Variants in HUWE1 observed in about 807,000 individuals in gnomAD.
HUWE1 encodes HECT, UBA and WWE domain containing E3 ubiquitin protein ligase 1.
HUWE1 carries 18 observed loss-of-function variants against 299.4 expected under a neutral mutation model. The observed-to-expected ratio is 0.06, with a 90% CI of 0.04 to 0.09. The LOEUF (loss-of-function observed/expected upper bound fraction) is 0.09, where lower values mean the gene tolerates loss of function less well. Ranked by LOEUF, HUWE1 falls within the 10% of genes least tolerant of loss-of-function variation. The pLI is 1.00. For synonymous variants in HUWE1, 1,317 were observed against 1,286.1 expected, an observed-to-expected ratio of 1.02 and a Z score of -0.51; for missense variants, 1,832 against 3,462.3, an observed-to-expected ratio of 0.53 and a Z score of 11.82.
At chrX:53,632,040 G>A (rs2066910687) in intron 9 of HUWE1, 1 of 341,186 alleles carries the variant, frequency 2.9e-6, no homozygotes. Context: ...AAGAGAAATT[G>A]TATTTTCACT....
Position 53,630,978 on chromosome X carries a change from T to A in HUWE1, c.819A>T (p.Arg273=). Residue 273 remains arginine, a synonymous_variant, in exon 12 of 84, where the codon CGA becomes CGT. Transcript: ENST00000262854. ...GCAGTCTGGCCTGAACTGCCTGCAA[T>A]CGCTTCCTGTGATTAGAAAAGCCAT... ...LAHGFSNHRK[R]LQAVQARLHA... 1 of 1,200,611 alleles carries A rather than the reference T, an allele frequency of 8.3e-7. No individual in the cohort carries two copies. The highest frequency in any genetic ancestry group is 1.8e-5 in the South Asian group (1 of 56,703).
At chrX:53,671,529 G>C (rs1557049306) in intron 3 of HUWE1, among the ~76,000 whole-genome samples, 1 of 111,470 alleles carries the variant, frequency 9.0e-6, no homozygotes, top group Non-Finnish European at 1.9e-5. Flanking sequence ...AGTGGCTCAC[G>C]CCTGTAATCC....
chrX:53,633,048 T>C (rs1312260295), intron 8 of HUWE1, among the ~76,000 whole-genome samples: 1 of 112,774 alleles, frequency 8.9e-6, no homozygotes, highest in Non-Finnish European at 1.9e-5. Context: ...AGGCATATCT[T>C]CATAATTCTT....
intron 7 of HUWE1, among the ~76,000 whole-genome samples, chrX:53,640,758 C>A (rs782787460): frequency 8.9e-6 from 1 of 111,855 alleles, no homozygotes; most frequent in East Asian, 2.8e-4. Context: ...GTAAAATCAT[C>A]CAAAGGAAGA....
chrX:53,576,936 G>A lies in HUWE1; in HGVS notation c.5848C>T (p.Leu1950=). Residue 1950 remains leucine (L), a synonymous_variant, in exon 44 of 84, where the codon CTG becomes TTG. Transcript: ENST00000262854. ...GCATGGTATGCAGCCAGAGCATTCA[G>A]CATATCATAGATCACTTCCTTGATA... ...DTIKEVIYDM[L]NALAAYHAPE... 1 of 1,209,805 alleles carries A rather than the reference G, an allele frequency of 8.3e-7. No individual in the cohort carries two copies. Among genetic ancestry groups the A allele is most frequent in the Non-Finnish European group, 1.1e-6 (1 of 893,873 alleles).
chrX:53,612,698 C>A (rs1204524019), intron 23 of HUWE1, among the ~76,000 whole-genome samples: 1 of 111,453 alleles, frequency 9.0e-6, no homozygotes, highest in Non-Finnish European at 1.9e-5. Context: ...GGTAAAAAAC[C>A]AACCAACCAA....
At chrX:53,565,036 C>T in intron 50 of HUWE1, 31 bp downstream of exon 50, 1 of 1,193,315 alleles carries the variant, frequency 8.4e-7, no homozygotes, top group Non-Finnish European at 1.1e-6. Flanking sequence ...ACTACTCCCA[C>T]CTCTCCAGTC....
At chrX:53,646,223 T>C (rs2068034693) in intron 6 of HUWE1, among the ~76,000 whole-genome samples, 1 of 110,712 alleles carries the variant, frequency 9.0e-6, no homozygotes, top group African/African-American at 3.3e-5. Flanking sequence ...AAAGGCATGA[T>C]CATAGCTCCC....
intron 74 of HUWE1, 23 bp from the exon 75 acceptor site, chrX:53,539,835 T>C (rs782793737): frequency 1.7e-6 from 2 of 1,190,416 alleles, no homozygotes; most frequent in Non-Finnish European, 2.3e-6. Flanking sequence ...CAGAAGAGAG[T>C]CAGAAAGTCT....
intron 9 of HUWE1, chrX:53,631,992 G>C: frequency 3.1e-6 from 1 of 324,673 alleles, no homozygotes. Flanking sequence ...AGGCAATTAA[G>C]CTAGAAAGAT....
chrX:53,645,731 AAAAAAATATAT>A (rs2067946528), intron 6 of HUWE1, among the ~76,000 whole-genome samples: 3 of 16,394 alleles, frequency 1.8e-4, no homozygotes, highest in Non-Finnish European at 3.5e-4. Context: ...AAAAAAAAAA[AAAAAAATATAT>A]ATATATATAT....
At chrX:53,684,829 T>C (rs2070380889) in intron 2 of HUWE1, among the ~76,000 whole-genome samples, 2 of 112,334 alleles carry the variant, frequency 1.8e-5, no homozygotes, top group Non-Finnish European at 3.8e-5. Context: ...CTAACCTGAA[T>C]CCATCTTAAT....
At chrX:53,586,398 A>G in intron 39 of HUWE1, 92 bp downstream of exon 39, 2 of 576,732 alleles carry the variant, frequency 3.5e-6, no homozygotes, top group South Asian at 2.5e-5. Flanking sequence ...AGAGACTTCT[A>G]TATTCTTCAC....
chrX:53,654,256 T>C lies in HUWE1; in HGVS notation c.-24-125A>G, dbSNP rs1183231994. On this transcript the variant is annotated intron_variant, in intron 3 of 83. Coordinates refer to ENST00000262854, the MANE Select transcript of HUWE1 (RefSeq NM_031407.7). ...ATGCTTAAAGTAAAAACACTGGAGT[T>C]ATGATGCTATGCCAACTCAGAGGCA... The C allele has an allele frequency of 1.4e-5, 7 of 490,202 alleles. No homozygotes were observed. The African/African-American group carries it at 1.7e-4, about 12-fold the overall frequency. 40.4% of individuals were successfully genotyped at this position (490,202 alleles called of 1,213,427 possible).
intron 5 of HUWE1, among the ~76,000 whole-genome samples, 167 bp downstream of exon 5, chrX:53,648,045 T>A (rs1004642374): frequency 8.9e-6 from 1 of 112,297 alleles, no homozygotes; most frequent in Non-Finnish European, 1.9e-5. Flanking sequence ...CCAGCAAAAT[T>A]TTCCTTGCCA....
chrX:53,561,607 G>C (rs1232444949), intron 55 of HUWE1, 149 bp downstream of exon 55: 1 of 829,607 alleles, frequency 1.2e-6, no homozygotes, highest in Non-Finnish European at 1.7e-6. Flanking sequence ...TAATGAGACA[G>C]ATGGATTCAG....
chrX:53,679,511 T>C (rs187700186), intron 3 of HUWE1, among the ~76,000 whole-genome samples: 13 of 111,965 alleles, frequency 1.2e-4, no homozygotes, highest in African/African-American at 2.6e-4. Flanking sequence ...TGAAACAGGC[T>C]GGGCCTGGTG....
intron 19 of HUWE1, among the ~76,000 whole-genome samples, chrX:53,622,479 C>T (rs962084126): frequency 1.8e-5 from 2 of 111,546 alleles, no homozygotes; most frequent in African/African-American, 3.3e-5. Context: ...CTATTCTGGG[C>T]CTCATCAGAA....
At chrX:53,575,404 A>G (rs1377313432) in intron 45 of HUWE1, among the ~76,000 whole-genome samples, 183 bp from the exon 46 acceptor site, 2 of 111,074 alleles carry the variant, frequency 1.8e-5, no homozygotes, top group African/African-American at 6.6e-5. Context: ...TGACTGGGAG[A>G]CTGTGGGGGA....
Sources: gnomAD v4.1 joint callset for allele counts (sites outside exome capture counted in the v4.1 genomes callset) on GRCh38, gnomAD v4.1.1 for gene constraint, MANE v1.5 for transcripts, NCBI Gene and HGNC (gene_info 2026-07-23, HGNC 2026-07-21) for gene names.